The following ANKRD30BL variants were observed in gnomAD, a reference collection of about 807,000 sequenced individuals.
The protein encoded by ANKRD30BL is putative ankyrin repeat domain-containing protein 30B-like.
ANKRD30BL carries 20 observed loss-of-function variants against 18.4 expected under a neutral mutation model. The observed-to-expected ratio is 1.09, with a 90% CI of 0.77 to 1.58. The LOEUF (loss-of-function observed/expected upper bound fraction) is 1.58. ANKRD30BL is among the 40% of genes most tolerant of loss of function. The probability of loss-of-function intolerance (pLI) is 0.00; values close to 1 mark genes in which losing one functional copy is unlikely to be tolerated. For synonymous variants in ANKRD30BL, 72 were observed against 100.9 expected, an observed-to-expected ratio of 0.71 and a Z score of 1.72; for missense variants, 224 against 268.6, an observed-to-expected ratio of 0.83 and a Z score of 1.16.
rs985505354 is a variant in ANKRD30BL at position 132,161,917 on chromosome 2, T to C, written c.-212A>G. ...CAGCTGAGCAGAACCGTTAGGCACC[T>C]GAGCAGAACCTTTAGGCAGCTGAGC... On this transcript the variant is annotated 5_prime_UTR_variant, in exon 1 of 6. Transcript: ENST00000409867. The C allele has an allele frequency of 1.1e-5, 6 of 560,054 alleles. No individual in the cohort carries two copies. The Admixed American group carries it at 1.5e-4, about 14-fold the overall frequency. The allele number at this position is 560,054 out of a possible 1,614,324, so 34.7% of individuals were successfully genotyped here. A position where few individuals can be genotyped will look rare whatever the true frequency, so the allele number is the denominator to read the frequency against.
At chr2:132,153,330 T>C (rs1224630694) in intron 4 of ANKRD30BL, among the ~76,000 whole-genome samples, 2 of 152,182 alleles carry the variant, frequency 1.3e-5, no homozygotes, top group African/African-American at 2.4e-5. Context: ...AAAACCAAAA[T>C]TGTGACATTA....
chr2:132,221,264 T>G, intron 1 of ANKRD30BL, among the ~76,000 whole-genome samples: 1 of 129,484 alleles, frequency 7.7e-6, no homozygotes, highest in African/African-American at 3.1e-5. Context: ...CGGCCGCCCC[T>G]ACTGGGAAGT....
At chr2:132,190,203 T>A (rs1390887504) in intron 1 of ANKRD30BL, among the ~76,000 whole-genome samples, 1 of 152,082 alleles carries the variant, frequency 6.6e-6, no homozygotes, top group African/African-American at 2.4e-5. Flanking sequence ...ACCAACTAGT[T>A]GGGGATAAAA....
chr2:132,196,449 GA>G (rs533264777), intron 1 of ANKRD30BL, among the ~76,000 whole-genome samples: 99 of 150,878 alleles, frequency 6.6e-4, no homozygotes, highest in Middle Eastern at 3.4e-3. Flanking sequence ...GACTCTGGGG[GA>G]AAAAAAAAGT....
intron 1 of ANKRD30BL, among the ~76,000 whole-genome samples, chr2:132,239,994 A>C (rs141484621): frequency 6.6e-6 from 1 of 151,866 alleles, no homozygotes; most frequent in Non-Finnish European, 1.5e-5. Flanking sequence ...ACATAAAACT[A>C]GACAGAAGCA....
intron 1 of ANKRD30BL, among the ~76,000 whole-genome samples, chr2:132,200,183 T>G (rs1679066180): frequency 6.6e-6 from 1 of 151,696 alleles, no homozygotes; most frequent in Non-Finnish European, 1.5e-5. Flanking sequence ...CCACAGCCAA[T>G]ATCATACTGA....
chr2:132,231,291 G>A (rs58767978), intron 1 of ANKRD30BL, among the ~76,000 whole-genome samples: 7,035 of 152,206 alleles, frequency 0.046, 551 homozygotes, highest in African/African-American at 0.16. Context: ...TATTTGGACC[G>A]CTTTGAGGCC....
At chr2:132,243,214 G>C (rs1042791811) in intron 1 of ANKRD30BL, among the ~76,000 whole-genome samples, 1 of 151,366 alleles carries the variant, frequency 6.6e-6, no homozygotes, top group Non-Finnish European at 1.5e-5. Context: ...GGTGGAAAAG[G>C]AATTATCCTC....
At chr2:132,158,700 C>G (rs1687976312) in intron 1 of ANKRD30BL, among the ~76,000 whole-genome samples, 1 of 150,360 alleles carries the variant, frequency 6.7e-6, no homozygotes, top group African/African-American at 2.4e-5. Context: ...CTTAAAAAAA[C>G]TGCTATAAAT....
intron 1 of ANKRD30BL, among the ~76,000 whole-genome samples, chr2:132,206,282 T>C (rs977568328): frequency 6.6e-6 from 1 of 152,180 alleles, no homozygotes; most frequent in African/African-American, 2.4e-5. Context: ...TTGCTACGAA[T>C]GGAAACAGCA....
chr2:132,248,692 C>G (rs1392346225), intron 1 of ANKRD30BL, among the ~76,000 whole-genome samples: 2 of 151,690 alleles, frequency 1.3e-5, no homozygotes, highest in South Asian at 2.1e-4. Flanking sequence ...TTTCCAGACT[C>G]GTCAAAGAAT....
At chr2:132,242,188 C>T (rs865967551) in intron 1 of ANKRD30BL, among the ~76,000 whole-genome samples, 15 of 151,288 alleles carry the variant, frequency 9.9e-5, no homozygotes, top group Non-Finnish European at 1.6e-4. Flanking sequence ...TCGTTGGAAA[C>T]GGGAATACCT....
At chr2:132,149,967 T>C (rs1025155498) in intron 5 of ANKRD30BL, among the ~76,000 whole-genome samples, 7 of 152,164 alleles carry the variant, frequency 4.6e-5, no homozygotes, top group Non-Finnish European at 1.0e-4. Flanking sequence ...TGACTGCTTA[T>C]GCTTTCAACT....
chr2:132,227,457 T>G (rs1166176695), intron 1 of ANKRD30BL, among the ~76,000 whole-genome samples: 1 of 152,022 alleles, frequency 6.6e-6, no homozygotes, highest in African/African-American at 2.4e-5. Flanking sequence ...GGACATACCT[T>G]ATCATAGAGT....
chr2:132,199,423 A>T (rs1375567097), intron 1 of ANKRD30BL, among the ~76,000 whole-genome samples: 1 of 152,192 alleles, frequency 6.6e-6, no homozygotes, highest in Non-Finnish European at 1.5e-5. Context: ...TGTGCTAAAT[A>T]CTTTGCATGA....
chr2:132,183,003 A>C (rs555981543), intron 1 of ANKRD30BL, among the ~76,000 whole-genome samples: 2 of 152,256 alleles, frequency 1.3e-5, no homozygotes, highest in African/African-American at 4.8e-5. Flanking sequence ...ATAAAATAAA[A>C]AATAACGATG....
In ANKRD30BL at chr2:132,217,808, A is replaced by G. The variant is rs1344578281; in HGVS notation, n.441+39721T>C. 5.3e-4 allele frequency among the ~76,000 whole-genome samples: 80 copies of G among 151,282 alleles called. No homozygotes were observed. In the South Asian group the frequency reaches 5.9e-3, roughly 11 times the overall value. ...AAACTCTAGACAGAAGCATTCTCAG[A>G]AACTTTTTTGTGATGTGTGCATTCA... On this transcript the variant is annotated intron_variant and non_coding_transcript_variant, in intron 1 of 4. Transcript: ENST00000470729.
At chr2:132,163,203 C>G (rs1688120206), upstream of ANKRD30BL, among the ~76,000 whole-genome samples, 2 of 152,144 alleles carry the variant, frequency 1.3e-5, no homozygotes, top group South Asian at 4.1e-4. Context: ...GTACTTACAG[C>G]ACTTTGGGAG....
At chr2:132,160,253 C>T (rs1050186987) in intron 1 of ANKRD30BL, among the ~76,000 whole-genome samples, 1 of 151,980 alleles carries the variant, frequency 6.6e-6, no homozygotes, top group Admixed American at 6.6e-5. Flanking sequence ...AGGCTCCCGA[C>T]ATCCTGCCTG....
Sources: gnomAD v4.1 joint callset for allele counts (sites outside exome capture counted in the v4.1 genomes callset) on GRCh38, gnomAD v4.1.1 for gene constraint, MANE v1.5 for transcripts, NCBI Gene and HGNC (gene_info 2026-07-23, HGNC 2026-07-21) for gene names.